EXOC6: variants seen among roughly 807,000 people sequenced by gnomAD.
The protein encoded by EXOC6 is exocyst complex component 6.
Under a neutral mutation model 112.5 loss-of-function variants are expected in EXOC6, and 60 were observed. That is an observed-to-expected ratio of 0.53 (90% CI 0.43 to 0.66). The LOEUF is 0.66. Ranked by LOEUF, EXOC6 falls within the 30% of genes least tolerant of loss-of-function variation. The pLI is 0.00. For synonymous variants in EXOC6, 295 were observed against 308.0 expected, an observed-to-expected ratio of 0.96 and a Z score of 0.44; for missense variants, 855 against 957.1, an observed-to-expected ratio of 0.89 and a Z score of 1.41.
At chr10:92,837,099 C>CACAA (rs1393606795) in intron 1 of EXOC6, among the ~76,000 whole-genome samples, 3 of 142,600 alleles carry the variant, frequency 2.1e-5, no homozygotes, top group Non-Finnish European at 4.6e-5. Flanking sequence ...TATAACATAA[C>CACAA]ACACACACAC....
chr10:92,907,022 T>C (rs967665580), intron 5 of EXOC6, among the ~76,000 whole-genome samples: 4 of 152,190 alleles, frequency 2.6e-5, no homozygotes, highest in African/African-American at 9.6e-5. Flanking sequence ...TTAGAAAGGA[T>C]CCAGGGTCTG....
intron 20 of EXOC6, among the ~76,000 whole-genome samples, chr10:93,019,997 G>A (rs911474389): frequency 6.6e-6 from 1 of 151,930 alleles, no homozygotes; most frequent in Admixed American, 6.6e-5. Context: ...GGCCAAATAT[G>A]GTAAGACTAA....
chr10:92,891,485 C>CT (rs1405477141), intron 1 of EXOC6, among the ~76,000 whole-genome samples: 3 of 151,976 alleles, frequency 2.0e-5, no homozygotes, highest in East Asian at 1.9e-4. Flanking sequence ...AACCTAAATT[C>CT]TTTTTTTTCT....
rs1853594653 is a variant in EXOC6 at position 92,954,666 on chromosome 10, A to G, written c.1563A>G (p.Thr521=). ...TEIDDMLRKS[T]NLLLTRTLSS... is the part of the protein sequence containing the mutation. Reference sequence around the variant, plus strand: ...TAGACGATATGCTTAGAAAATCAACAAATCTGCTGCTGACCAGAACTTTGA... The same window carrying G: ...TAGACGATATGCTTAGAAAATCAACGAATCTGCTGCTGACCAGAACTTTGA... Residue 521 remains threonine (T), a synonymous_variant, in exon 16 of 22, where the codon ACA becomes ACG. Transcript: ENST00000260762. 1 of 1,608,496 alleles carries G rather than the reference A, an allele frequency of 6.2e-7. No individual in the cohort carries two copies. Among genetic ancestry groups the G allele is most frequent in the African/African-American group, 1.3e-5 (1 of 74,814 alleles).
At chr10:92,849,099 G>T (rs1589691236) in intron 1 of EXOC6, among the ~76,000 whole-genome samples, 1 of 152,138 alleles carries the variant, frequency 6.6e-6, no homozygotes, top group African/African-American at 2.4e-5. Flanking sequence ...AAAGCCTGGC[G>T]CGCCGGGCTG....
intron 13 of EXOC6, 120 bp downstream of exon 13, chr10:92,940,944 G>T (rs1033177708): frequency 4.2e-6 from 3 of 717,846 alleles, no homozygotes; most frequent in Non-Finnish European, 7.0e-6. Context: ...AGTACACATA[G>T]AATTTACCAT....
At chr10:92,830,562 T>C (rs749381132), upstream of EXOC6, among the ~76,000 whole-genome samples, 1 of 152,146 alleles carries the variant, frequency 6.6e-6, no homozygotes, top group East Asian at 1.9e-4. Context: ...GGATAATTCA[T>C]GTGTATGTGT....
At chr10:92,883,613 C>T (rs1368431217) in intron 1 of EXOC6, among the ~76,000 whole-genome samples, 2 of 151,892 alleles carry the variant, frequency 1.3e-5, no homozygotes, top group Non-Finnish European at 2.9e-5. Flanking sequence ...GATTTATATG[C>T]TAGAAATTAA....
chr10:93,012,158 G>T (rs540593828), intron 19 of EXOC6, among the ~76,000 whole-genome samples: 1 of 152,254 alleles, frequency 6.6e-6, no homozygotes, highest in South Asian at 2.1e-4. Flanking sequence ...TAGTAGGAGA[G>T]GCCCTTACTT....
chr10:92,914,605 G>A (rs892342558), intron 6 of EXOC6, among the ~76,000 whole-genome samples: 1 of 152,188 alleles, frequency 6.6e-6, no homozygotes, highest in African/African-American at 2.4e-5. Context: ...TTTGGGCACA[G>A]AGGGAAAGGG....
chr10:92,893,605 T>C (rs1849611464), intron 2 of EXOC6, 85 bp downstream of exon 2: 3 of 1,118,698 alleles, frequency 2.7e-6, no homozygotes, highest in Non-Finnish European at 3.8e-6. Flanking sequence ...CAAGTCATTA[T>C]TAAGTATGTT....
intron 1 of EXOC6, among the ~76,000 whole-genome samples, chr10:92,881,326 G>A (rs1848953143): frequency 6.6e-6 from 1 of 152,230 alleles, no homozygotes; most frequent in Non-Finnish European, 1.5e-5. Context: ...ATTGGTGAAA[G>A]TAGTCACAAG....
chr10:92,974,119 C>G lies in EXOC6; in HGVS notation c.1840C>G (p.Gln614Glu). Residue 614 changes from glutamine to glutamate, a missense_variant, in exon 18 of 22, where the codon CAG becomes GAG. Gln to Glu is a conservative substitution (Grantham distance 29, BLOSUM62 2). Transcript: ENST00000260762. ...KLNQKIDEFVQLADYDWTMSE... is the reference protein window; with the variant it reads ...KLNQKIDEFVELADYDWTMSE... ...GAATCAAAAAATTGATGAATTTGTT[C>G]AGCTTGCTGATTATGACTGGACAAT... 6.2e-7 allele frequency: 1 copy of G among 1,604,340 alleles called. No homozygotes were observed. Among genetic ancestry groups the G allele is most frequent in the Non-Finnish European group, 8.5e-7 (1 of 1,177,870 alleles).
chr10:92,837,884 T>C (rs1846712763), intron 1 of EXOC6, among the ~76,000 whole-genome samples: 2 of 152,202 alleles, frequency 1.3e-5, no homozygotes, highest in Non-Finnish European at 2.9e-5. Context: ...ACTGAAGCGT[T>C]TACCTACGTG....
intron 18 of EXOC6, chr10:92,987,674 C>T (rs954846320): frequency 1.9e-5 from 18 of 957,778 alleles, no homozygotes; most frequent in Non-Finnish European, 2.2e-5. Flanking sequence ...CTAGCATGTA[C>T]ATTAGAAAAT....
At chr10:93,002,948 A>G (rs1843822494) in intron 19 of EXOC6, among the ~76,000 whole-genome samples, 1 of 152,172 alleles carries the variant, frequency 6.6e-6, no homozygotes, top group African/African-American at 2.4e-5. Flanking sequence ...CTAGTCTGTG[A>G]TATGCTAGCA....
At chr10:92,837,272 A>T (rs1486252067) in intron 1 of EXOC6, among the ~76,000 whole-genome samples, 1 of 152,184 alleles carries the variant, frequency 6.6e-6, no homozygotes, top group Non-Finnish European at 1.5e-5. Context: ...CTCATGGGCT[A>T]ATGGTGACGA....
At chr10:92,931,432 A>G (rs1054016029) in intron 9 of EXOC6, among the ~76,000 whole-genome samples, 2 of 147,876 alleles carry the variant, frequency 1.4e-5, no homozygotes, top group Non-Finnish European at 3.0e-5. Flanking sequence ...TCTATGGGAC[A>G]TAGAGTGATA....
intron 19 of EXOC6, among the ~76,000 whole-genome samples, chr10:93,009,744 A>T (rs751697540): frequency 6.6e-6 from 1 of 152,240 alleles, no homozygotes; most frequent in Non-Finnish European, 1.5e-5. Flanking sequence ...TGGTATATGC[A>T]TGGAAGTACA....
Sources: gnomAD v4.1 joint callset for allele counts (sites outside exome capture counted in the v4.1 genomes callset) on GRCh38, gnomAD v4.1.1 for gene constraint, MANE v1.5 for transcripts, NCBI Gene and HGNC (gene_info 2026-07-23, HGNC 2026-07-21) for gene names.